PHTF1: variants seen among roughly 807,000 people sequenced by gnomAD.
PHTF1 encodes putative homeodomain transcription factor 1.
Under a neutral mutation model 102.4 loss-of-function variants are expected in PHTF1, and 88 were observed. The observed-to-expected ratio is 0.86, with a 90% CI of 0.72 to 1.03. The LOEUF (loss-of-function observed/expected upper bound fraction) is 1.03, where lower values mean the gene tolerates loss of function less well. Among genes scored for constraint, PHTF1 ranks in the 50% least tolerant of loss-of-function variants. PHTF1 has a pLI of 0.00. For synonymous variants in PHTF1, 289 were observed against 305.2 expected, an observed-to-expected ratio of 0.95 and a Z score of 0.55; for missense variants, 814 against 909.5, an observed-to-expected ratio of 0.89 and a Z score of 1.35.
chr1:113,735,752 C>T (rs1406404998), intron 5 of PHTF1, among the ~76,000 whole-genome samples: 4 of 152,076 alleles, frequency 2.6e-5, no homozygotes. Flanking sequence ...TAAATTTATA[C>T]ATATATTTTT....
chr1:113,754,230 G>A lies in PHTF1; in HGVS notation c.102+3469C>T, dbSNP rs143157861. On this transcript the variant is annotated intron_variant, in intron 3 of 18. Transcript: ENST00000369604. The stretch of plus-strand genomic sequence containing the variant: ...ATTCGAGACCAGCCTGGACAACATG[G>A]CAAGACCTTGTCTCTACAAAAAATT... Among the ~76,000 whole-genome samples, 840 of 152,230 alleles carry A rather than the reference G, an allele frequency of 5.5e-3. 6 individuals are homozygous for A. The highest frequency in any genetic ancestry group is 0.019 in the African/African-American group (796 of 41,526).
chr1:113,706,448 T>G, intron 12 of PHTF1, 146 bp downstream of exon 12: 1 of 508,438 alleles, frequency 2.0e-6, no homozygotes, highest in Non-Finnish European at 3.2e-6. Flanking sequence ...TACATATATA[T>G]GTTAATAATG....
chr1:113,738,798 C>A lies in PHTF1; in HGVS notation c.104G>T (p.Gly35Val). The A allele has an allele frequency of 6.3e-7, 1 of 1,580,668 alleles. No individual in the cohort carries two copies. Among genetic ancestry groups the A allele is most frequent in the Non-Finnish European group, 8.6e-7 (1 of 1,159,292 alleles). Reference sequence around the variant, plus strand: ...CATCTTTTTCGGTTTGTTTTTCAAACCCTAGGATAAAACAAAACAAAAATA... The same window carrying A: ...CATCTTTTTCGGTTTGTTTTTCAAAACCTAGGATAAAACAAAACAAAAATA... ...EKSIEQTQIK[G>V]LKNKPKKMGH... The change falls in exon 4 of 19, where the codon GGT becomes GTT. Residue 35 changes from glycine (G) to valine (V), a missense_variant and splice_region_variant. Gly to Val is a moderately radical substitution (Grantham distance 109). Transcript: ENST00000369604.
intron 1 of PHTF1, 59 bp downstream of exon 1, chr1:113,758,964 G>A (rs1467632343): frequency 1.9e-5 from 21 of 1,123,548 alleles, no homozygotes; most frequent in Non-Finnish European, 2.3e-5. Context: ...GAGGGGCAGG[G>A]GCCGCCGCTG....
chr1:113,701,627 C>T (rs1649449973), intron 15 of PHTF1, among the ~76,000 whole-genome samples: 1 of 151,792 alleles, frequency 6.6e-6, no homozygotes, highest in Non-Finnish European at 1.5e-5. Flanking sequence ...AGGCTCCCAT[C>T]TCCACTCCTC....
At chr1:113,730,882 C>T (rs371856650) in intron 5 of PHTF1, among the ~76,000 whole-genome samples, 6 of 152,086 alleles carry the variant, frequency 3.9e-5, no homozygotes, top group East Asian at 3.8e-4. Context: ...GTAACCTTGA[C>T]GATGTTATGC....
chr1:113,698,567 A>AT (rs1025231384), intron 17 of PHTF1, among the ~76,000 whole-genome samples, 180 bp from the exon 18 acceptor site: 23 of 151,202 alleles, frequency 1.5e-4, no homozygotes, highest in African/African-American at 5.4e-4. Flanking sequence ...ACTAACTAAG[A>AT]TTTTTTTAGG....
At chr1:113,699,195 C>G (rs77661148) in intron 17 of PHTF1, 3,883 of 206,262 alleles carry the variant, frequency 0.019, 135 homozygotes, top group African/African-American at 0.07. Context: ...CACAGAGATG[C>G]AGGCTGCCAG....
rs750626406 is a variant in PHTF1, at chr1:113,700,963, C to CA, written c.1891-15dup. On this transcript the variant is annotated splice_polypyrimidine_tract_variant and intron_variant, in intron 15 of 18. Transcript: ENST00000369604. ...TCCTTGGAGAACCTATACAAAGGAT[C>CA]AAAAAAAAGTTAAGTTTTTCATTTA... 22 of 1,569,032 alleles carry CA rather than the reference C, an allele frequency of 1.4e-5. No homozygotes were observed. The highest frequency in any genetic ancestry group is 1.7e-5 in the Non-Finnish European group (20 of 1,160,968).
chr1:113,732,024 A>C (rs1030417698), intron 5 of PHTF1, among the ~76,000 whole-genome samples: 1 of 152,076 alleles, frequency 6.6e-6, no homozygotes, highest in African/African-American at 2.4e-5. Flanking sequence ...AAATATATGT[A>C]TACATCTACA....
Position 113,711,732 on chromosome 1 carries a change from A to T in PHTF1, c.1047+14T>A. On this transcript the variant is annotated intron_variant, in intron 10 of 18. Coordinates refer to ENST00000369604, the MANE Select transcript of PHTF1 (RefSeq NM_001323043.2). ...CTCAAAAATATACCTTGATTTCTCA[A>T]AGGGATACTTTACCTGGCTGAAGGC... 6.3e-7 allele frequency: 1 copy of T among 1,592,750 alleles called. No homozygotes were observed. Among genetic ancestry groups the T allele is most frequent in the Non-Finnish European group, 8.6e-7 (1 of 1,161,024 alleles).
intron 11 of PHTF1, 128 bp downstream of exon 11, chr1:113,710,126 C>T (rs1650822681): frequency 1.4e-6 from 1 of 707,556 alleles, no homozygotes; most frequent in African/African-American, 1.8e-5. Flanking sequence ...GTTTCCTCAC[C>T]TCTAAACTGG....
At chr1:113,711,204 A>G (rs1449022722) in intron 10 of PHTF1, among the ~76,000 whole-genome samples, 5 of 152,172 alleles carry the variant, frequency 3.3e-5, no homozygotes, top group African/African-American at 1.2e-4. Context: ...AAAACGTTAA[A>G]GGATAATCAG....
intron 2 of PHTF1, 38 bp from the exon 3 acceptor site, chr1:113,757,793 A>T (rs1250895095): frequency 1.5e-6 from 2 of 1,308,004 alleles, no homozygotes; most frequent in Non-Finnish European, 2.2e-6. Flanking sequence ...AACGATGCAA[A>T]GGAAATCCTT....
Position 113,698,384 on chromosome 1 carries a change from G to C in PHTF1, c.2146C>G (p.Leu716Val). The C allele has an allele frequency of 6.2e-7, 1 of 1,610,056 alleles. No individual in the cohort carries two copies. The highest frequency in any genetic ancestry group is 8.5e-7 in the Non-Finnish European group (1 of 1,177,780). Reference sequence around the variant, plus strand: ...CCATAGAGTCTAAATGGTGTGTCCAGCTCCTACAAAAAACATCAAAGAATT... The same window carrying C: ...CCATAGAGTCTAAATGGTGTGTCCACCTCCTACAAAAAACATCAAAGAATT... ...LKLSTKLLKE[L>V]DTPFRLYGLT... is the part of the protein sequence containing the mutation. Residue 716 changes from leucine (L) to valine (V), a missense_variant, in exon 18 of 19, where the codon CTG becomes GTG. Coordinates refer to ENST00000369604, the MANE Select transcript of PHTF1 (RefSeq NM_001323043.2).
At chr1:113,757,306 G>A (rs1358987453) in intron 3 of PHTF1, among the ~76,000 whole-genome samples, 1 of 151,962 alleles carries the variant, frequency 6.6e-6, no homozygotes, top group African/African-American at 2.4e-5. Context: ...AGAGAAGGAA[G>A]AGTCTCTTAA....
At chr1:113,742,441 T>C (rs779609285) in intron 3 of PHTF1, among the ~76,000 whole-genome samples, 1 of 151,980 alleles carries the variant, frequency 6.6e-6, no homozygotes, top group Non-Finnish European at 1.5e-5. Flanking sequence ...CTGGCCAACA[T>C]GGTGAAACCC....
At chr1:113,704,222 C>T (rs1649785760) in intron 14 of PHTF1, 55 bp from the exon 15 acceptor site, 4 of 1,014,744 alleles carry the variant, frequency 3.9e-6, no homozygotes, top group Non-Finnish European at 6.2e-6. Flanking sequence ...CAGCAACCGC[C>T]CTCACATTAT....
In PHTF1 at chr1:113,706,575, A is replaced by G; in HGVS notation, c.1398+19T>C. On this transcript the variant is annotated intron_variant, in intron 12 of 18. Coordinates refer to ENST00000369604, the MANE Select transcript of PHTF1 (RefSeq NM_001323043.2). The stretch of plus-strand genomic sequence containing the variant: ...CTTCGTATATTTTTTGAAAAATCTG[A>G]AAACATATTCAGTCTTACCCTGCTC... The G allele has an allele frequency of 6.4e-7, 1 of 1,561,884 alleles. No homozygotes were observed. The highest frequency in any genetic ancestry group is 8.6e-7 in the Non-Finnish European group (1 of 1,161,876).
Sources: allele counts gnomAD v4.1 joint callset (sites outside exome capture counted in the v4.1 genomes callset), GRCh38; gene constraint gnomAD v4.1.1; transcripts MANE v1.5; gene names NCBI Gene and HGNC (gene_info 2026-07-23, HGNC 2026-07-21).